The following TEX2 variants were observed in gnomAD, a reference collection of about 807,000 sequenced individuals.
TEX2 encodes testis expressed 2, also known as testis-expressed protein 2.
Under a neutral mutation model 106.9 loss-of-function variants are expected in TEX2, and 53 were observed. The observed-to-expected ratio is 0.50, with a 90% CI of 0.40 to 0.62. The LOEUF (loss-of-function observed/expected upper bound fraction) is 0.62, where lower values mean the gene tolerates loss of function less well. TEX2 is among the 20% of genes least tolerant of loss of function. The probability of loss-of-function intolerance (pLI) is 0.00; values close to 1 mark genes in which losing one functional copy is unlikely to be tolerated. For synonymous variants in TEX2, 523 were observed against 534.8 expected (o/e 0.98, Z 0.30); for missense variants, 1,207 against 1,379.0 (o/e 0.88, Z 1.98).
intron 7 of TEX2, among the ~76,000 whole-genome samples, chr17:64,165,680 C>T (rs550484587): frequency 6.6e-6 from 1 of 152,332 alleles, no homozygotes; most frequent in East Asian, 1.9e-4. Flanking sequence ...AGTAGCATCA[C>T]TCCCAACACT....
At chr17:64,234,549 G>A (rs2033726739) in intron 1 of TEX2, among the ~76,000 whole-genome samples, 2 of 152,198 alleles carry the variant, frequency 1.3e-5, no homozygotes, top group African/African-American at 4.8e-5. Context: ...CATCCTCCAT[G>A]GCGCAGCTGA....
rs2032304256 is a variant in TEX2 at position 64,191,814 on chromosome 17, T to A, written c.2176+1745A>T. Among the ~76,000 whole-genome samples the A allele has an allele frequency of 1.3e-4, 5 of 39,860 alleles. No individual in the cohort carries two copies. The South Asian group carries it at 5.2e-3, about 42-fold the overall frequency. The allele number at this position is 39,860 out of a possible 152,430, so 26.1% of individuals were successfully genotyped here. On this transcript the variant is annotated intron_variant, in intron 4 of 11. Coordinates refer to ENST00000584379, the MANE Select transcript of TEX2 (RefSeq NM_001288732.2). The stretch of plus-strand genomic sequence containing the variant: ...GCCTGGGCAACAAAGCTAGACTCCA[T>A]CTCAAAAAAAAAAAAAAAAAAAAAA...
Position 64,174,940 on chromosome 17 carries a change from C to T in TEX2, c.2571+2385G>A, listed in dbSNP as rs536595928. Among the ~76,000 whole-genome samples the T allele has an allele frequency of 1.5e-3, 232 of 152,316 alleles. 1 individual carries two copies. The highest frequency in any genetic ancestry group is 5.3e-3 in the African/African-American group (222 of 41,572). ...GTGCAAGGCTGACAATCCGAGACTACAGGGCAAGGCCAGCAAAGAGTTCTC... is the reference window on the plus strand; with the variant it reads ...GTGCAAGGCTGACAATCCGAGACTATAGGGCAAGGCCAGCAAAGAGTTCTC... On this transcript the variant is annotated intron_variant, in intron 6 of 11. Transcript: ENST00000584379.
intron 7 of TEX2, among the ~76,000 whole-genome samples, chr17:64,169,739 T>TA (rs1301109026): frequency 6.6e-6 from 1 of 152,228 alleles, no homozygotes; most frequent in East Asian, 1.9e-4. Flanking sequence ...AACCATCTGA[T>TA]ACAGCCAGAG....
chr17:64,171,167 C>T lies in TEX2; in HGVS notation c.2604G>A (p.Thr868=), dbSNP rs553790105. 14 of 1,613,986 alleles carry T rather than the reference C, an allele frequency of 8.7e-6. No individual in the cohort carries two copies. Among genetic ancestry groups the T allele is most frequent in the Admixed American group, 5.0e-5 (3 of 60,010 alleles). The change falls in exon 7 of 12, where the codon ACG becomes ACA. Residue 868 remains threonine, a synonymous_variant. Transcript: ENST00000584379. ...GCACAGCCACGCCCATGTCAAGTTC[C>T]GTCAGAGTGAGCTCATTCATAAAGT... ...LPYFMNELTL[T]ELDMGVAVPK...
chr17:64,220,329 T>C (rs576252500), intron 1 of TEX2, among the ~76,000 whole-genome samples: 1 of 152,254 alleles, frequency 6.6e-6, no homozygotes, highest in South Asian at 2.1e-4. Context: ...TCAAAAGCAA[T>C]TGCAACAAAA....
intron 8 of TEX2, among the ~76,000 whole-genome samples, chr17:64,158,588 G>A (rs1340115926): frequency 1.3e-5 from 2 of 152,168 alleles, no homozygotes; most frequent in African/African-American, 2.4e-5. Flanking sequence ...CTACTAAGCC[G>A]CGTGGTGATT....
At chr17:64,169,993 T>C (rs1363462658) in intron 7 of TEX2, among the ~76,000 whole-genome samples, 1 of 152,188 alleles carries the variant, frequency 6.6e-6, no homozygotes, top group Non-Finnish European at 1.5e-5. Context: ...ATTCCTCTTT[T>C]TTTACCAAAC....
intron 1 of TEX2, among the ~76,000 whole-genome samples, chr17:64,250,860 G>A (rs2034076542): frequency 6.6e-6 from 1 of 151,752 alleles, no homozygotes; most frequent in Non-Finnish European, 1.5e-5. Context: ...TTTTGTTTTT[G>A]TTTTTTATTT....
At chr17:64,162,507 G>T (rs545895012) in intron 7 of TEX2, among the ~76,000 whole-genome samples, 1 of 152,092 alleles carries the variant, frequency 6.6e-6, no homozygotes. Context: ...AATAGTATGC[G>T]TTGCCTTTGA....
At chr17:64,150,797 C>T in intron 11 of TEX2, 44 bp downstream of exon 11, 1 of 1,584,004 alleles carries the variant, frequency 6.3e-7, no homozygotes, top group South Asian at 1.2e-5. Context: ...AAACCCAGAG[C>T]TTCTATACTT....
intron 1 of TEX2, among the ~76,000 whole-genome samples, chr17:64,232,227 G>A (rs948674242): frequency 1.3e-5 from 2 of 152,184 alleles, no homozygotes; most frequent in Non-Finnish European, 2.9e-5. Context: ...TTGGTGTTTC[G>A]TGGTGAAAGA....
Position 64,154,937 on chromosome 17 carries a change from G to A in TEX2, c.2835C>T (p.Asp945=), listed in dbSNP as rs1409666002. ...GCRPRAFCLA[D]SDEESSSAGS... ...CAGCGCTGGAGGATTCCTCATCGCTGTCCGCCAGACAGAATGCCCGGGGCC... is the reference window on the plus strand; with the variant it reads ...CAGCGCTGGAGGATTCCTCATCGCTATCCGCCAGACAGAATGCCCGGGGCC... The change falls in exon 9 of 12, where the codon GAC becomes GAT. Residue 945 remains aspartate, a synonymous_variant. Transcript: ENST00000584379. The A allele has an allele frequency of 6.2e-7, 1 of 1,604,470 alleles. No homozygotes were observed. Among genetic ancestry groups the A allele is most frequent in the Admixed American group, 1.7e-5 (1 of 59,188 alleles).
intron 7 of TEX2, among the ~76,000 whole-genome samples, chr17:64,161,792 C>T (rs1216074857): frequency 6.6e-6 from 1 of 152,038 alleles, no homozygotes; most frequent in Non-Finnish European, 1.5e-5. Flanking sequence ...CTCCAGAAGA[C>T]CTCATGGACT....
At chr17:64,250,791 C>T (rs782067912) in intron 1 of TEX2, among the ~76,000 whole-genome samples, 72 of 152,178 alleles carry the variant, frequency 4.7e-4, no homozygotes, top group Non-Finnish European at 9.1e-4. Context: ...AAGCAATCCT[C>T]CCACCTCAGC....
At chr17:64,223,869 C>G (rs1391117960) in intron 1 of TEX2, among the ~76,000 whole-genome samples, 1 of 152,102 alleles carries the variant, frequency 6.6e-6, no homozygotes, top group Non-Finnish European at 1.5e-5. Context: ...GTGCCTGCCA[C>G]AACACCTGAC....
intron 2 of TEX2, among the ~76,000 whole-genome samples, chr17:64,202,494 C>T (rs1213457373): frequency 2.0e-5 from 3 of 152,158 alleles, no homozygotes; most frequent in Non-Finnish European, 2.9e-5. Flanking sequence ...TCAGCCATTT[C>T]CCCCCACCCA....
chr17:64,243,450 C>A (rs1422281545), intron 1 of TEX2, among the ~76,000 whole-genome samples: 1 of 152,158 alleles, frequency 6.6e-6, no homozygotes, highest in Non-Finnish European at 1.5e-5. Flanking sequence ...GGGGGAAACA[C>A]TGGGCCTCAG....
intron 2 of TEX2, among the ~76,000 whole-genome samples, chr17:64,202,009 G>A (rs1370892331): frequency 2.0e-5 from 3 of 152,214 alleles, no homozygotes; most frequent in Admixed American, 6.5e-5. Context: ...AGCAAAGGAA[G>A]AAGCTGACGC....
Sources: allele counts gnomAD v4.1 joint callset (sites outside exome capture counted in the v4.1 genomes callset), GRCh38; gene constraint gnomAD v4.1.1; transcripts MANE v1.5; gene names NCBI Gene and HGNC (gene_info 2026-07-23, HGNC 2026-07-21).